INTS6: variants seen among roughly 807,000 people sequenced by gnomAD.
The protein encoded by INTS6 is integrator complex subunit 6.
A neutral mutation model predicts 104.9 loss-of-function variants in INTS6; 16 were observed. The observed-to-expected ratio is 0.15, with a 90% CI of 0.10 to 0.23. The LOEUF (loss-of-function observed/expected upper bound fraction) is 0.23. Among genes scored for constraint, INTS6 ranks in the 10% least tolerant of loss-of-function variants. The probability of loss-of-function intolerance (pLI) is 1.00; values close to 1 mark genes in which losing one functional copy is unlikely to be tolerated. For missense variants in INTS6, 584 were observed against 1,062.8 expected, an observed-to-expected ratio of 0.55 and a Z score of 6.26; for synonymous variants, 324 against 358.7, an observed-to-expected ratio of 0.90 and a Z score of 1.09.
chr13:51,361,546 G>T (rs566251825), downstream of INTS6: 17 of 589,990 alleles, frequency 2.9e-5, no homozygotes, highest in East Asian at 4.5e-4. Context: ...GGGAAGAAGA[G>T]ATATCCATCC....
chr13:51,421,380 G>A, intron 4 of INTS6: 5 of 793,668 alleles, frequency 6.3e-6, no homozygotes, highest in Non-Finnish European at 7.6e-6. Flanking sequence ...AAAACAAAGG[G>A]GGAAAAATCA....
In INTS6 at chr13:51,452,563, G is replaced by GA; in HGVS notation, c.-39dup. ...GGACACCGGGGCCCGAGGTGGTGGAGAAAGAGGAGATGGTAGAGGTGGAGG... is the reference window on the plus strand; with the variant it reads ...GGACACCGGGGCCCGAGGTGGTGGAGAAAAGAGGAGATGGTAGAGGTGGAGG... On this transcript the variant is annotated 5_prime_UTR_variant, in exon 1 of 18. Coordinates refer to ENST00000311234, the MANE Select transcript of INTS6 (RefSeq NM_012141.3). The surrounding 1 kb of genome is among the most constrained non-coding windows in gnomAD (Gnocchi z 4.2). The GA allele has an allele frequency of 6.2e-7, 1 of 1,601,074 alleles. No homozygotes were observed. The highest frequency in any genetic ancestry group is 8.5e-7 in the Non-Finnish European group (1 of 1,172,656).
chr13:51,399,774 ATGGAAG>A (rs1314481639), intron 4 of INTS6, among the ~76,000 whole-genome samples: 14 of 151,986 alleles, frequency 9.2e-5, no homozygotes, highest in African/African-American at 2.9e-4. Flanking sequence ...CCTGATGTTT[ATGGAAG>A]TGGAATACCT....
the INTS6 span, chr13:51,341,375 ACTTACCCTC>A: frequency 6.4e-7 from 1 of 1,553,820 alleles, no homozygotes; most frequent in Admixed American, 1.9e-5. Flanking sequence ...GTGCACACTC[ACTTACCCTC>A]CTGTTCACAC....
rs747021703 is a variant in INTS6, at chr13:51,367,882, G to A, written c.2493C>T (p.Phe831=). 8.3e-6 allele frequency: 13 copies of A among 1,573,610 alleles called. No individual in the cohort carries two copies. The highest frequency in any genetic ancestry group is 1.7e-4 in the Middle Eastern group (1 of 5,972). ...RKPGRKYERI[F]TLLKHVQGSL... is the part of the protein sequence containing the mutation. ...TGCCTTGCACATGCTTCAGTAAAGT[G>A]AAGATTCTTTCATATTCTTAAAGCA... The change falls in exon 17 of 18, where the codon TTC becomes TTT. Residue 831 remains phenylalanine, a synonymous_variant. Coordinates refer to ENST00000311234, the MANE Select transcript of INTS6 (RefSeq NM_012141.3).
chr13:51,370,608 CAGG>C (rs1955783965), intron 15 of INTS6, among the ~76,000 whole-genome samples: 1 of 152,168 alleles, frequency 6.6e-6, no homozygotes, highest in Admixed American at 6.5e-5. Context: ...GCAAGCTAGG[CAGG>C]AGAAGCACCT....
intron 4 of INTS6, among the ~76,000 whole-genome samples, chr13:51,424,634 TAGAA>T (rs1202142115): frequency 6.6e-6 from 1 of 151,956 alleles, no homozygotes; most frequent in Non-Finnish European, 1.5e-5. Context: ...TAAATGTTCT[TAGAA>T]AGATGAATTG....
downstream of INTS6, chr13:51,361,364 G>C: frequency 6.3e-7 from 1 of 1,594,978 alleles, no homozygotes; most frequent in Non-Finnish European, 8.6e-7. Context: ...TGGAGCCACA[G>C]GTATGTTCAG....
chr13:51,448,742 AAT>A (rs1304952031), intron 3 of INTS6: 1 of 152,180 alleles, frequency 6.6e-6, no homozygotes, highest in African/African-American at 2.4e-5. Flanking sequence ...TGTTCTATAA[AAT>A]ATATACGTTC....
rs982178370 is a variant in INTS6 at position 51,363,220 on chromosome 13, C to G, written c.*2532G>C. The G allele has an allele frequency of 2.0e-5, 3 of 151,874 alleles. No individual in the cohort carries two copies. The highest frequency in any genetic ancestry group is 7.2e-5 in the African/African-American group (3 of 41,392). The allele number at this position is 151,874 out of a possible 1,614,324, so 9.4% of individuals were successfully genotyped here. ...AATCCTTAAACAAGGAAAAGACACA[C>G]CACTATTTCAATGGTAGGAGTTTTC... On this transcript the variant is annotated 3_prime_UTR_variant, in exon 18 of 18. Transcript: ENST00000311234.
chr13:51,417,452 CTTTTTTTT>C (rs34887995), intron 4 of INTS6, among the ~76,000 whole-genome samples: 1 of 112,578 alleles, frequency 8.9e-6, no homozygotes, highest in Non-Finnish European at 1.7e-5. Context: ...TAAGAAAATT[CTTTTTTTT>C]TTTTTTTTTT....
Position 51,452,610 on chromosome 13 carries a change from C to G in INTS6, c.-85G>C. 6.5e-7 allele frequency: 1 copy of G among 1,550,222 alleles called. No homozygotes were observed. Among genetic ancestry groups the G allele is most frequent in the Non-Finnish European group, 8.7e-7 (1 of 1,145,686 alleles). On this transcript the variant is annotated 5_prime_UTR_variant, in exon 1 of 18. Transcript: ENST00000311234. This position sits in a 1 kb window ranked among gnomAD's most constrained non-coding sequence, Gnocchi z 4.2. ...GAGGCGCCGGTGGCGGCGACCGCCGCTACGCGGGGCGGGGGAGCACGGCCC... is the reference window on the plus strand; with the variant it reads ...GAGGCGCCGGTGGCGGCGACCGCCGGTACGCGGGGCGGGGGAGCACGGCCC...
intron 4 of INTS6, among the ~76,000 whole-genome samples, chr13:51,401,621 G>A (rs114356631): frequency 6.6e-6 from 1 of 152,012 alleles, no homozygotes; most frequent in East Asian, 1.9e-4. Flanking sequence ...ACTATTAGAA[G>A]GCGCAAGTTA....
intron 4 of INTS6, among the ~76,000 whole-genome samples, chr13:51,426,094 T>C (rs1956979877): frequency 6.6e-6 from 1 of 152,092 alleles, no homozygotes; most frequent in Non-Finnish European, 1.5e-5. Context: ...GCCTGGACTT[T>C]TATTAAATGA....
At position 51,369,612 on chromosome 13, in the gene INTS6, T is replaced by C. The variant is rs74084821; in HGVS notation, c.2105-302A>G. Among the ~76,000 whole-genome samples the C allele has an allele frequency of 4.5e-3, 683 of 152,332 alleles. 7 individuals carry two copies. Among genetic ancestry groups the C allele is most frequent in the African/African-American group, 0.016 (654 of 41,574 alleles). ...CAATTTTATTGAAACAAGTAGGTTC[T>C]TGATACTTCAATGAAATATCTATGA... On this transcript the variant is annotated intron_variant, in intron 15 of 17. Transcript: ENST00000311234.
intron 7 of INTS6, among the ~76,000 whole-genome samples, chr13:51,386,255 T>G (rs1210264936): frequency 3.3e-5 from 5 of 152,348 alleles, no homozygotes; most frequent in Admixed American, 3.3e-4. Context: ...GTTTTGGATT[T>G]CTTTCCATTA....
chr13:51,411,560 A>G (rs1383548299), intron 4 of INTS6, among the ~76,000 whole-genome samples: 5 of 152,008 alleles, frequency 3.3e-5, no homozygotes, highest in Admixed American at 1.3e-4. Flanking sequence ...CTCAAAAAAA[A>G]AAAAGAAAAG....
chr13:51,385,017 T>TTA (rs1215204906), intron 7 of INTS6: 17 of 206,852 alleles, frequency 8.2e-5, no homozygotes, highest in African/African-American at 3.8e-4. Context: ...CACCTAAAAA[T>TTA]AGGGTCTAGA....
At chr13:51,401,391 T>C (rs964178023) in intron 4 of INTS6, among the ~76,000 whole-genome samples, 1 of 152,150 alleles carries the variant, frequency 6.6e-6, no homozygotes, top group Non-Finnish European at 1.5e-5. Context: ...CAGAGCTGTA[T>C]TTAACAGAAA....
Sources: gnomAD v4.1 joint callset for allele counts (sites outside exome capture counted in the v4.1 genomes callset) on GRCh38, gnomAD v4.1.1 for gene constraint, Gnocchi (gnomAD v3.1) non-coding constraint, MANE v1.5 for transcripts, NCBI Gene and HGNC (gene_info 2026-07-23, HGNC 2026-07-21) for gene names.